Variants in NOS1 observed in about 807,000 individuals in gnomAD.
NOS1 encodes the protein NOS type I.
In NOS1, 51 loss-of-function variants were observed where a neutral mutation model predicts 164.5. That is an observed-to-expected ratio of 0.31 (90% confidence interval 0.25 to 0.39). NOS1 has a LOEUF of 0.39. Among genes scored for constraint, NOS1 ranks in the 10% least tolerant of loss-of-function variants. The pLI, the probability that NOS1 is intolerant of heterozygous loss-of-function variation, is 1.00. For missense variants in NOS1, 1,362 were observed against 1,885.6 expected (o/e 0.72, Z 5.14); for synonymous variants, 719 against 745.8 (o/e 0.96, Z 0.59).
rs41497546 is a variant in NOS1, at chr12:117,243,895, T to C, written c.2824-460A>G. Among the ~76,000 whole-genome samples the C allele has an allele frequency of 0.011, 1,667 of 152,154 alleles. 13 individuals are homozygous for C. Among genetic ancestry groups the C allele is most frequent in the Middle Eastern group, 0.017 (5 of 294 alleles). ...ACCCACCTATCCATCTATCTTTCCA[T>C]GCAGGCATGCATCCATCCATTCATC... is the stretch of plus-strand genomic sequence containing the variant. On this transcript the variant is annotated intron_variant, in intron 18 of 28. Coordinates refer to ENST00000317775, the MANE Select transcript of NOS1 (RefSeq NM_000620.5). The surrounding 1 kb of genome is among the most constrained non-coding windows in gnomAD (Gnocchi z 4.3).
rs9658497 is a variant in NOS1, at chr12:117,230,874, G to T, written c.3405+1088C>A. ...AGCCAGGCACAGTAAGACAAATTTT[G>T]CACGTTCTCATTCATTTGTGGGAGC... On this transcript the variant is annotated intron_variant, in intron 22 of 28. Coordinates refer to ENST00000317775, the MANE Select transcript of NOS1 (RefSeq NM_000620.5). Among the ~76,000 whole-genome samples the T allele has an allele frequency of 4.5e-3, 689 of 152,244 alleles. 3 individuals carry two copies. Among genetic ancestry groups the T allele is most frequent in the African/African-American group, 0.013 (531 of 41,528 alleles).
chr12:117,339,212 A>G (rs967292970), intron 1 of NOS1, among the ~76,000 whole-genome samples: 2 of 152,168 alleles, frequency 1.3e-5, no homozygotes, highest in Non-Finnish European at 2.9e-5. Flanking sequence ...TGGGGATCCC[A>G]AAGACACAAG....
intron 12 of NOS1, among the ~76,000 whole-genome samples, chr12:117,264,461 T>C (rs1486439407): frequency 9.7e-6 from 1 of 103,130 alleles, no homozygotes; most frequent in Non-Finnish European, 1.9e-5. Context: ...ATTTTCTTTC[T>C]TTATTTTCTT....
intron 1 of NOS1, among the ~76,000 whole-genome samples, chr12:117,355,008 C>CT: frequency 6.6e-6 from 1 of 152,272 alleles, no homozygotes; most frequent in African/African-American, 2.4e-5. Context: ...AAAGGCTCAC[C>CT]TTTTTAATCC....
chr12:117,271,676 C>T (rs572825796), intron 10 of NOS1, among the ~76,000 whole-genome samples: 1 of 152,328 alleles, frequency 6.6e-6, no homozygotes, highest in Non-Finnish European at 1.5e-5. Context: ...TGCTTAACTT[C>T]TCTGTTTCTC....
chr12:117,309,517 A>G (rs147772994), intron 3 of NOS1: 30 of 328,220 alleles, frequency 9.1e-5, no homozygotes, highest in African/African-American at 6.3e-4. Flanking sequence ...TCACTTGCTG[A>G]GTCACCTAGG....
chr12:117,272,047 T>A lies in NOS1; in HGVS notation c.1839+338A>T, dbSNP rs1341674032. 6.6e-6 allele frequency among the ~76,000 whole-genome samples: 1 copy of A among 152,200 alleles called. No individual in the cohort carries two copies. Among genetic ancestry groups the A allele is most frequent in the Non-Finnish European group, 1.5e-5 (1 of 68,038 alleles). On this transcript the variant is annotated intron_variant, in intron 10 of 28. Coordinates refer to ENST00000317775, the MANE Select transcript of NOS1 (RefSeq NM_000620.5). This position sits in a 1 kb window ranked among gnomAD's most constrained non-coding sequence, Gnocchi z 4.3. ...TCAAACCAGACACATTTCCCAGCCC[T>A]GCTGCCGGCTAGCTGTGTGACCTTG...
intron 26 of NOS1, among the ~76,000 whole-genome samples, chr12:117,221,130 T>TTA (rs377641224): frequency 1.4e-5 from 2 of 146,028 alleles, no homozygotes; most frequent in African/African-American, 5.1e-5. Context: ...TTAAATTTAT[T>TTA]TTTATTTATT....
In NOS1 at chr12:117,331,211, C is replaced by T. The variant is rs986160048; in HGVS notation, c.-142G>A. On this transcript the variant is annotated 5_prime_UTR_variant, in exon 2 of 29. Coordinates refer to ENST00000317775, the MANE Select transcript of NOS1 (RefSeq NM_000620.5). ...GGTGCTGACAAGGCTTCAGCCCTCT[C>T]TGTCTTTGACGTCAGCTCAGCGTCA... The T allele has an allele frequency of 1.7e-5, 18 of 1,074,166 alleles. No individual in the cohort carries two copies. In the Middle Eastern group the frequency reaches 9.1e-4, roughly 55 times the overall value. 66.5% of individuals were successfully genotyped at this position (1,074,166 alleles called of 1,614,324 possible). A position where few individuals can be genotyped will look rare whatever the true frequency, so the allele number is the denominator to read the frequency against.
chr12:117,263,931 G>A lies in NOS1; in HGVS notation c.2180C>T (p.Thr727Ile). The change falls in exon 13 of 29, where the codon ACC becomes ATC. Residue 727 changes from threonine to isoleucine, a missense_variant. By Grantham distance (89) the Thr-to-Ile change is moderately conservative. Around this residue, in one of 4 missense-constraint regions of NOS1, gnomAD observed 737 missense variants for 1,030.3 expected, o/e 0.72. Transcript: ENST00000317775. ...GCCAATGGCTCGCCGCTTTGTGGGG[G>A]TCCCGTTGGTGCCTTTCCAGACATG... ...NTHVWKGTNG[T>I]PTKRRAIGFK... The A allele has an allele frequency of 6.2e-7, 1 of 1,613,954 alleles. No individual in the cohort carries two copies.
At chr12:117,329,852 G>A (rs1875441816) in intron 2 of NOS1, among the ~76,000 whole-genome samples, 1 of 152,128 alleles carries the variant, frequency 6.6e-6, no homozygotes, top group Non-Finnish European at 1.5e-5. Flanking sequence ...TGAGGAGAAA[G>A]CTGATTTAAG....
At chr12:117,256,188 C>A (rs1592956343) in intron 16 of NOS1, among the ~76,000 whole-genome samples, 1 of 151,782 alleles carries the variant, frequency 6.6e-6, no homozygotes, top group Non-Finnish European at 1.5e-5. Context: ...GAGGGCTGAC[C>A]ACAAAGGACT....
intron 17 of NOS1, among the ~76,000 whole-genome samples, chr12:117,251,758 G>GT (rs1199827407): frequency 2.0e-5 from 3 of 149,668 alleles, no homozygotes. Context: ...TTGAGACAGG[G>GT]TTTTGCTCTA....
chr12:117,324,421 C>T (rs57799993), intron 2 of NOS1, among the ~76,000 whole-genome samples: 1,647 of 152,230 alleles, frequency 0.011, 25 homozygotes, highest in African/African-American at 0.038. Flanking sequence ...TATTCTCTTA[C>T]ACGCAGCATT....
At position 117,222,730 on chromosome 12, in the gene NOS1, C is replaced by T; in HGVS notation, c.3960G>A (p.Glu1320=). ...FRELYTAYSR[E]PDKPKKYVQD... ...TGGGGGTTACCTTTGGTTTGTCTGG[C>T]TCCCGGGAGTAAGCCGTGTACAGCT... The change falls in exon 26 of 29, where the codon GAG becomes GAA. Residue 1320 remains glutamate (E), a synonymous_variant. Coordinates refer to ENST00000317775, the MANE Select transcript of NOS1 (RefSeq NM_000620.5). 6.2e-7 allele frequency: 1 copy of T among 1,613,820 alleles called. No individual in the cohort carries two copies. The highest frequency in any genetic ancestry group is 8.5e-7 in the Non-Finnish European group (1 of 1,179,910).
intron 1 of NOS1, among the ~76,000 whole-genome samples, chr12:117,349,652 C>T (rs1485961311): frequency 6.6e-6 from 1 of 152,124 alleles, no homozygotes; most frequent in Non-Finnish European, 1.5e-5. Context: ...TTTTGGAAAC[C>T]TGTGCTTATA....
At chr12:117,251,476 G>A (rs978097065) in intron 17 of NOS1, among the ~76,000 whole-genome samples, 3 of 151,996 alleles carry the variant, frequency 2.0e-5, no homozygotes, top group African/African-American at 7.3e-5. Context: ...GTAGTAGCGT[G>A]ATCATGGCTC....
chr12:117,302,436 T>C (rs1395956377), intron 3 of NOS1, among the ~76,000 whole-genome samples: 1 of 151,632 alleles, frequency 6.6e-6, no homozygotes, highest in Non-Finnish European at 1.5e-5. Context: ...CTACTAAAAA[T>C]ACAAAAAATT....
chr12:117,321,602 G>T (rs1360492166), intron 2 of NOS1, among the ~76,000 whole-genome samples: 1 of 152,152 alleles, frequency 6.6e-6, no homozygotes, highest in Admixed American at 6.5e-5. Flanking sequence ...TGGATGGGGA[G>T]CTGCTTACGT....
Sources: allele counts gnomAD v4.1 joint callset (sites outside exome capture counted in the v4.1 genomes callset), GRCh38; gene constraint gnomAD v4.1.1; regional missense constraint gnomAD v4.1.1; non-coding constraint Gnocchi (gnomAD v3.1); transcripts MANE v1.5; gene names NCBI Gene and HGNC (gene_info 2026-07-23, HGNC 2026-07-21).